The following PAOX variants were observed in gnomAD, a reference collection of about 807,000 sequenced individuals.
PAOX encodes polyamine oxidase.
PAOX carries 38 observed loss-of-function variants against 39.0 expected under a neutral mutation model. That is an observed-to-expected ratio of 0.97 (90% CI 0.75 to 1.28). The LOEUF is 1.28. Among genes scored for constraint, PAOX ranks in the 50% most tolerant of loss-of-function variants. The probability of loss-of-function intolerance (pLI) is 0.00; values close to 1 mark genes in which losing one functional copy is unlikely to be tolerated. For missense variants in PAOX, 667 were observed against 685.7 expected (o/e 0.97, Z 0.30); for synonymous variants, 311 against 314.4 (o/e 0.99, Z 0.11).
Position 133,381,647 on chromosome 10 carries a change from A to C in PAOX, c.856A>C (p.Thr286Pro). ...DRFPAHHVIV[T>P]VPLGFLREHL... is the part of the protein sequence containing the mutation. ...GTTCCCGGCGCACCATGTCATCGTCACCGTGCCCTTAGGTAGGTCAGGTTT... is the reference window on the plus strand; with the variant it reads ...GTTCCCGGCGCACCATGTCATCGTCCCCGTGCCCTTAGGTAGGTCAGGTTT... The change falls in exon 3 of 7, where the codon ACC becomes CCC. Residue 286 changes from threonine (T) to proline (P), a missense_variant. Physicochemically the swap from Thr to Pro is conservative, Grantham distance 38. Transcript: ENST00000278060. 1 of 1,612,932 alleles carries C rather than the reference A, an allele frequency of 6.2e-7. No individual in the cohort carries two copies. The highest frequency in any genetic ancestry group is 8.5e-7 in the Non-Finnish European group (1 of 1,179,962).
rs1849623897 is a variant in PAOX, at chr10:133,389,718, C to T, written c.1363C>T (p.Pro455Ser). ...GGGCGACCTGGACCTGCTGGCTCAG[C>T]CCCTCCCTGCAGACGGCGCCGGCGC... ...TGGDLDLLAQPLPADGAGAQL... is the reference protein window; with the variant it reads ...TGGDLDLLAQSLPADGAGAQL... Residue 455 changes from proline to serine, a missense_variant, in exon 6 of 7, where the codon CCC becomes TCC. Physicochemically the swap from Pro to Ser is moderately conservative, Grantham distance 74 (BLOSUM62 -1). Coordinates refer to ENST00000278060, the MANE Select transcript of PAOX (RefSeq NM_152911.4). 1 of 1,572,172 alleles carries T rather than the reference C, an allele frequency of 6.4e-7. No individual in the cohort carries two copies. Among genetic ancestry groups the T allele is most frequent in the Non-Finnish European group, 8.6e-7 (1 of 1,156,426 alleles).
intron 4 of PAOX, among the ~76,000 whole-genome samples, chr10:133,387,618 C>T (rs776800170): frequency 2.6e-5 from 4 of 152,256 alleles, no homozygotes; most frequent in Admixed American, 6.5e-5. Context: ...CTGTGAAAGA[C>T]GCACCAGCCC....
At chr10:133,387,401 T>C (rs2133472572) in intron 4 of PAOX, among the ~76,000 whole-genome samples, 1 of 152,348 alleles carries the variant, frequency 6.6e-6, no homozygotes, top group South Asian at 2.1e-4. Flanking sequence ...CTTTCAGGAT[T>C]GGGAAGCTGT....
In PAOX at chr10:133,379,758, C is replaced by T. The variant is rs547200092; in HGVS notation, c.182-241C>T. Reference sequence around the variant, plus strand: ...TGCCCCACGGGGGCCCCCCCAGCCCCGGGGTACGCCCACCCTGCGCCCCTC... The same window carrying T: ...TGCCCCACGGGGGCCCCCCCAGCCCTGGGGTACGCCCACCCTGCGCCCCTC... On this transcript the variant is annotated intron_variant, in intron 1 of 6. Transcript: ENST00000278060. 7.7e-4 allele frequency: 420 copies of T among 543,478 alleles called. 2 individuals are homozygous for T. The highest frequency in any genetic ancestry group is 7.0e-3 in the African/African-American group (364 of 52,166). 33.7% of individuals were successfully genotyped at this position (543,478 alleles called of 1,614,324 possible).
chr10:133,390,384 C>T (rs1288821536), intron 6 of PAOX, among the ~76,000 whole-genome samples: 1 of 150,764 alleles, frequency 6.6e-6, no homozygotes, highest in African/African-American at 2.4e-5. Flanking sequence ...CGAGACCAGC[C>T]TGGGCAACAT....
intron 6 of PAOX, among the ~76,000 whole-genome samples, chr10:133,390,410 C>CCACACACACACACACACACACACA (rs59249557): frequency 8.9e-5 from 13 of 145,330 alleles, no homozygotes; most frequent in African/African-American, 3.1e-4. Flanking sequence ...GAGTCGGTCT[C>CCACACACACACACACACACACACA]CACACACACA....
intron 4 of PAOX, among the ~76,000 whole-genome samples, chr10:133,387,289 AAT>A (rs765301137): frequency 3.3e-5 from 5 of 152,004 alleles, no homozygotes; most frequent in African/African-American, 1.2e-4. Context: ...AAAAAAATAA[AAT>A]ATATATATAT....
Position 133,389,608 on chromosome 10 carries a change from C to T in PAOX, c.1253C>T (p.Ala418Val), listed in dbSNP as rs1475500257. ...GGCTCAGGAAACCCACGGCTCCCCGCGCCCAAGAGCGTCCTGCGGTCTCGC... is the reference window on the plus strand; with the variant it reads ...GGCTCAGGAAACCCACGGCTCCCCGTGCCCAAGAGCGTCCTGCGGTCTCGC... Reference protein sequence around the residue: ...RRVTGNPRLPAPKSVLRSRWH... With the variant: ...RRVTGNPRLPVPKSVLRSRWH... The change falls in exon 6 of 7, where the codon GCG becomes GTG. Residue 418 changes from alanine to valine, a missense_variant. Coordinates refer to ENST00000278060, the MANE Select transcript of PAOX (RefSeq NM_152911.4). The T allele has an allele frequency of 1.8e-5, 29 of 1,613,660 alleles. No individual in the cohort carries two copies. Among genetic ancestry groups the T allele is most frequent in the Admixed American group, 1.7e-4 (10 of 60,006 alleles).
At chr10:133,387,019 C>T (rs111485569) in intron 4 of PAOX, among the ~76,000 whole-genome samples, 9,359 of 152,204 alleles carry the variant, frequency 0.061, 406 homozygotes, top group Middle Eastern at 0.13. Context: ...TGGCTCATGC[C>T]GGTAATTCCA....
chr10:133,380,568 G>T (rs967272420), intron 2 of PAOX, 83 bp downstream of exon 2: 18 of 1,457,914 alleles, frequency 1.2e-5, no homozygotes, highest in Middle Eastern at 2.4e-4. Context: ...GCTCTTGCTT[G>T]GGTATGGGAG....
At chr10:133,379,772 C>G in intron 1 of PAOX, 1 of 563,296 alleles carries the variant, frequency 1.8e-6, no homozygotes, top group East Asian at 3.1e-5. Flanking sequence ...GTACGCCCAC[C>G]CTGCGCCCCT....
intron 6 of PAOX, chr10:133,390,872 T>A: frequency 2.5e-6 from 1 of 394,556 alleles, no homozygotes; most frequent in South Asian, 1.8e-5. Context: ...GCCAGATCAC[T>A]ATTCAGTGTT....
chr10:133,391,428 G>A lies in PAOX; in HGVS notation c.1509G>A (p.Gln503=). Residue 503 remains glutamine (Q), a synonymous_variant, in exon 7 of 7, where the codon CAG becomes CAA. Coordinates refer to ENST00000278060, the MANE Select transcript of PAOX (RefSeq NM_152911.4). ...ADRLLSLWAP[Q]VQQPRPRL ...GCCTCCTCAGTCTGTGGGCCCCGCA[G>A]GTGCAGCAGCCCAGGCCCAGGCTCT... The A allele has an allele frequency of 6.2e-7, 1 of 1,612,722 alleles. No individual in the cohort carries two copies. Among genetic ancestry groups the A allele is most frequent in the Non-Finnish European group, 8.5e-7 (1 of 1,179,920 alleles).
At chr10:133,380,508 C>A (rs779540938) in intron 2 of PAOX, 23 bp downstream of exon 2, 2 of 1,571,072 alleles carry the variant, frequency 1.3e-6, no homozygotes, top group East Asian at 4.6e-5. Context: ...GCCCCTGCCC[C>A]GCCAGTCCTC....
chr10:133,385,261 A>C (rs1311232170), intron 4 of PAOX, among the ~76,000 whole-genome samples: 3 of 151,750 alleles, frequency 2.0e-5, no homozygotes. Flanking sequence ...GTGCCACTGC[A>C]CTCCAGCCTT....
At chr10:133,387,684 A>G (rs924289751) in intron 4 of PAOX, among the ~76,000 whole-genome samples, 1 of 152,242 alleles carries the variant, frequency 6.6e-6, no homozygotes, top group Non-Finnish European at 1.5e-5. Flanking sequence ...CACCACGCGC[A>G]GCAGGAGTGT....
At chr10:133,385,865 G>A (rs181046741) in intron 4 of PAOX, among the ~76,000 whole-genome samples, 2 of 152,238 alleles carry the variant, frequency 1.3e-5, no homozygotes, top group Non-Finnish European at 2.9e-5. Context: ...TTACAGGCAT[G>A]AGCCACCGCA....
rs1056255933 is a variant in PAOX at position 133,384,860 on chromosome 10, A to AC, written c.1121+651dup. ...GGGCACCAAGTTCTTGTTCTGAAAGACCCGGGATGGGGTGGGATGTAGGGC... is the reference window on the plus strand; with the variant it reads ...GGGCACCAAGTTCTTGTTCTGAAAGACCCCGGGATGGGGTGGGATGTAGGGC... On this transcript the variant is annotated intron_variant, in intron 4 of 6. Coordinates refer to ENST00000278060, the MANE Select transcript of PAOX (RefSeq NM_152911.4). The surrounding 1 kb of genome is among the most constrained non-coding windows in gnomAD (Gnocchi z 4.3). 6.6e-5 allele frequency among the ~76,000 whole-genome samples: 10 copies of AC among 152,056 alleles called. No individual in the cohort carries two copies. Among genetic ancestry groups the AC allele is most frequent in the African/African-American group, 2.4e-4 (10 of 41,404 alleles).
chr10:133,390,368 A>C (rs575069552), intron 6 of PAOX, among the ~76,000 whole-genome samples: 227 of 152,020 alleles, frequency 1.5e-3, no homozygotes, highest in African/African-American at 5.0e-3. Flanking sequence ...GCTGAGGCCA[A>C]GAGTTCGAGA....
Sources: allele counts gnomAD v4.1 joint callset (sites outside exome capture counted in the v4.1 genomes callset), GRCh38; gene constraint gnomAD v4.1.1; non-coding constraint Gnocchi (gnomAD v3.1); transcripts MANE v1.5; gene names NCBI Gene and HGNC (gene_info 2026-07-23, HGNC 2026-07-21).